Variants in CFTR observed in about 807,000 individuals in gnomAD.
CFTR encodes the protein cystic fibrosis transmembrane conductance regulator.
Under a neutral mutation model 171.6 loss-of-function variants are expected in CFTR, and 181 were observed. That is an observed-to-expected ratio of 1.05 (90% CI 0.93 to 1.19). The LOEUF (loss-of-function observed/expected upper bound fraction) is 1.19, where lower values mean the gene tolerates loss of function less well. CFTR is among the 50% of genes most tolerant of loss of function. The probability of loss-of-function intolerance (pLI) is 0.00; values close to 1 mark genes in which losing one functional copy is unlikely to be tolerated. For synonymous variants in CFTR, 583 were observed against 608.0 expected (o/e 0.96, Z 0.60); for missense variants, 1,968 against 1,734.7 (o/e 1.13, Z -2.39).
chr7:117,529,756 A>G (rs905456968), intron 3 of CFTR, among the ~76,000 whole-genome samples: 5 of 152,136 alleles, frequency 3.3e-5, no homozygotes, highest in African/African-American at 1.2e-4. Context: ...TAGAAAATAC[A>G]TTGTAGAAAA....
intron 9 of CFTR, among the ~76,000 whole-genome samples, chr7:117,547,490 TAAC>T (rs1799166275): frequency 6.6e-6 from 1 of 151,776 alleles, no homozygotes; most frequent in African/African-American, 2.4e-5. Flanking sequence ...AGATAAGTAA[TAAC>T]TATTATTAAT....
Position 117,506,359 on chromosome 7 carries a change from G to C in CFTR, c.164+1996G>C, listed in dbSNP as rs149420666. Reference sequence around the variant, plus strand: ...TCTCCTGGGTTCAAGTGATTCTCCTGCCTCAGCCTCTCGAGTAGCTGGGTT... The same window carrying C: ...TCTCCTGGGTTCAAGTGATTCTCCTCCCTCAGCCTCTCGAGTAGCTGGGTT... On this transcript the variant is annotated intron_variant, in intron 2 of 26. Transcript: ENST00000003084. 9.7e-4 allele frequency among the ~76,000 whole-genome samples: 147 copies of C among 152,220 alleles called. 3 individuals carry two copies. Among genetic ancestry groups the C allele is most frequent in the Middle Eastern group, 6.8e-3 (2 of 294 alleles).
intron 22 of CFTR, among the ~76,000 whole-genome samples, chr7:117,635,121 T>G (rs1792805644): frequency 6.6e-6 from 1 of 152,248 alleles, no homozygotes; most frequent in East Asian, 1.9e-4. Context: ...CTTCATGTCT[T>G]TTGATGCTTT....
intron 3 of CFTR, among the ~76,000 whole-genome samples, chr7:117,522,457 G>A (rs2064767070): frequency 6.6e-6 from 1 of 152,206 alleles, no homozygotes; most frequent in African/African-American, 2.4e-5. Flanking sequence ...TCACGATTTT[G>A]AATTCAGTGT....
At chr7:117,520,386 CA>C (rs780064324) in intron 3 of CFTR, among the ~76,000 whole-genome samples, 1 of 151,420 alleles carries the variant, frequency 6.6e-6, no homozygotes, top group East Asian at 1.9e-4. Flanking sequence ...CCATGCCACC[CA>C]AATATTATGT....
chr7:117,584,597 G>T (rs1400391842), intron 11 of CFTR, among the ~76,000 whole-genome samples: 2 of 152,098 alleles, frequency 1.3e-5, no homozygotes, highest in Non-Finnish European at 2.9e-5. Context: ...TTTGAAGTCG[G>T]GTAATATGAT....
intron 11 of CFTR, among the ~76,000 whole-genome samples, chr7:117,571,616 G>A (rs1791688354): frequency 6.6e-6 from 1 of 152,064 alleles, no homozygotes; most frequent in South Asian, 2.1e-4. Flanking sequence ...AAAATAGTTT[G>A]TTTGTTTCAG....
At chr7:117,538,667 A>C (rs1798997009) in intron 7 of CFTR, among the ~76,000 whole-genome samples, 1 of 152,242 alleles carries the variant, frequency 6.6e-6, no homozygotes, top group African/African-American at 2.4e-5. Context: ...TCTTGGTAAC[A>C]ACTCCACAAA....
At chr7:117,584,870 G>T (rs759790760) in intron 11 of CFTR, among the ~76,000 whole-genome samples, 20 of 151,606 alleles carry the variant, frequency 1.3e-4, no homozygotes, top group Non-Finnish European at 2.5e-4. Context: ...AGTTTTCCTT[G>T]TAGAGATCTT....
chr7:117,666,598 C>T lies in CFTR; in HGVS notation c.4243-310C>T, dbSNP rs1040318063. Among the ~76,000 whole-genome samples the T allele has an allele frequency of 3.9e-5, 6 of 152,078 alleles. No homozygotes were observed. In the East Asian group the frequency reaches 5.8e-4, roughly 15 times the overall value. Reference sequence around the variant, plus strand: ...AACTCTTTATGGTGCTGTAGACTTACGCTCATTTTCTAGGTAATTTATAAG... The same window carrying T: ...AACTCTTTATGGTGCTGTAGACTTATGCTCATTTTCTAGGTAATTTATAAG... On this transcript the variant is annotated intron_variant, in intron 26 of 26. Coordinates refer to ENST00000003084, the MANE Select transcript of CFTR (RefSeq NM_000492.4).
intron 11 of CFTR, among the ~76,000 whole-genome samples, chr7:117,579,421 A>T (rs1241411945): frequency 6.6e-6 from 1 of 151,918 alleles, no homozygotes; most frequent in Non-Finnish European, 1.5e-5. Context: ...TTGTAGACAA[A>T]TTGCCTTAGT....
chr7:117,492,320 G>A (rs569892695), intron 1 of CFTR, among the ~76,000 whole-genome samples: 3 of 151,816 alleles, frequency 2.0e-5, no homozygotes, highest in Non-Finnish European at 4.4e-5. Flanking sequence ...CATTTGCATT[G>A]CATTTACTAT....
chr7:117,524,108 A>G (rs1406729969), intron 3 of CFTR, among the ~76,000 whole-genome samples: 1 of 152,238 alleles, frequency 6.6e-6, no homozygotes, highest in Admixed American at 6.5e-5. Context: ...GTATAGATAT[A>G]TATTAGCAGA....
chr7:117,612,234 TACACACACAC>T (rs112904263), intron 20 of CFTR, among the ~76,000 whole-genome samples: 32 of 140,936 alleles, frequency 2.3e-4, no homozygotes, highest in Middle Eastern at 3.6e-3. Flanking sequence ...CATCCGCATT[TACACACACAC>T]ACACACACAC....
intron 3 of CFTR, among the ~76,000 whole-genome samples, chr7:117,520,214 G>A (rs965616678): frequency 1.4e-5 from 2 of 147,498 alleles, no homozygotes; most frequent in African/African-American, 2.5e-5. Context: ...TGATATATGA[G>A]AGAATATTTT....
At chr7:117,625,434 A>G (rs747609066) in intron 21 of CFTR, among the ~76,000 whole-genome samples, 24 of 152,178 alleles carry the variant, frequency 1.6e-4, no homozygotes, top group Non-Finnish European at 2.9e-4. Flanking sequence ...TGTATGTTAC[A>G]TTCCAGTGCT....
chr7:117,627,422 C>G (rs946757675), intron 21 of CFTR, 100 bp from the exon 22 acceptor site: 40 of 1,201,336 alleles, frequency 3.3e-5, no homozygotes, highest in Admixed American at 9.4e-5. Context: ...TGACAAATAG[C>G]AAGTGTTGCA....
chr7:117,562,601 A>G (rs567813485), intron 11 of CFTR, among the ~76,000 whole-genome samples: 3 of 152,280 alleles, frequency 2.0e-5, no homozygotes, highest in South Asian at 4.1e-4. Flanking sequence ...TTGTGTGAGT[A>G]TCTTATGCCA....
chr7:117,642,416 T>C, intron 22 of CFTR, 22 bp from the exon 23 acceptor site: 1 of 1,608,180 alleles, frequency 6.2e-7, no homozygotes, highest in South Asian at 1.1e-5. Context: ...ACAGAAGTGA[T>C]CCCATCACTT....
Sources: allele counts gnomAD v4.1 joint callset (sites outside exome capture counted in the v4.1 genomes callset), GRCh38; gene constraint gnomAD v4.1.1; transcripts MANE v1.5; gene names NCBI Gene and HGNC (gene_info 2026-07-23, HGNC 2026-07-21).